The following TCF4 variants were observed in gnomAD, a reference collection of about 807,000 sequenced individuals.
The protein encoded by TCF4 is SL3-3 enhancer factor 2.
TCF4 carries 3 observed loss-of-function variants against 82.1 expected under a neutral mutation model. The ratio of observed to expected loss-of-function variants is 0.04; its 90% CI spans 0.02 to 0.09. TCF4 has a LOEUF of 0.09. Ranked by LOEUF, TCF4 falls within the 10% of genes least tolerant of loss-of-function variation. The probability of loss-of-function intolerance (pLI) is 1.00; values close to 1 mark genes in which losing one functional copy is unlikely to be tolerated. For synonymous variants in TCF4, 276 were observed against 309.6 expected, an observed-to-expected ratio of 0.89 and a Z score of 1.14; for missense variants, 518 against 852.7, an observed-to-expected ratio of 0.61 and a Z score of 4.89.
intron 8 of TCF4, among the ~76,000 whole-genome samples, chr18:55,318,677 G>T (rs1196215600): frequency 6.6e-6 from 1 of 151,990 alleles, no homozygotes; most frequent in Non-Finnish European, 1.5e-5. Context: ...AGGTACAGTT[G>T]TTCACAGAAA....
At chr18:55,353,892 C>G (rs147344575) in intron 6 of TCF4, among the ~76,000 whole-genome samples, 102 of 152,276 alleles carry the variant, frequency 6.7e-4, no homozygotes, top group African/African-American at 2.3e-3. Flanking sequence ...AAAACTACAT[C>G]TACTTTCAAA....
Position 55,301,094 on chromosome 18 carries a change from T to C in TCF4, c.550-21438A>G, listed in dbSNP as rs145725748. Among the ~76,000 whole-genome samples the C allele has an allele frequency of 3.2e-3, 490 of 152,190 alleles. 1 individual carries two copies. Among genetic ancestry groups the C allele is most frequent in the Non-Finnish European group, 5.7e-3 (385 of 68,004 alleles). On this transcript the variant is annotated intron_variant, in intron 8 of 19. Coordinates refer to ENST00000354452, the MANE Select transcript of TCF4 (RefSeq NM_001083962.2). ...TCTTCCTCCCCTCCCACCAGTGAGA[T>C]AGTGGGAAAGTGGAAACCACTCCCC...
chr18:55,301,478 C>G (rs2068249555), intron 8 of TCF4, among the ~76,000 whole-genome samples: 1 of 152,162 alleles, frequency 6.6e-6, no homozygotes, highest in Non-Finnish European at 1.5e-5. Flanking sequence ...CAGCTCTGGA[C>G]CCAATCGTTC....
chr18:55,318,411 A>G (rs1204062577), intron 8 of TCF4, among the ~76,000 whole-genome samples: 1 of 152,134 alleles, frequency 6.6e-6, no homozygotes, highest in African/African-American at 2.4e-5. Flanking sequence ...TCTGCAAAAA[A>G]AAATCTGTTT....
At chr18:55,580,711 C>T (rs928809317) in intron 3 of TCF4, among the ~76,000 whole-genome samples, 9 of 149,806 alleles carry the variant, frequency 6.0e-5, no homozygotes, top group African/African-American at 2.2e-4. Flanking sequence ...ACACTGTTTG[C>T]CTATATAATC....
chr18:55,353,225 A>G (rs936243984), intron 6 of TCF4, among the ~76,000 whole-genome samples: 1 of 152,206 alleles, frequency 6.6e-6, no homozygotes, highest in Non-Finnish European at 1.5e-5. Flanking sequence ...TTCACAATAG[A>G]GCTGTGAAAA....
intron 3 of TCF4, among the ~76,000 whole-genome samples, chr18:55,479,912 A>T (rs1195568802): frequency 6.6e-6 from 1 of 152,228 alleles, no homozygotes; most frequent in Non-Finnish European, 1.5e-5. Flanking sequence ...AGCTGGCACC[A>T]GTCAGAATTC....
At chr18:55,378,209 G>A (rs1038380457) in intron 6 of TCF4, among the ~76,000 whole-genome samples, 21 of 152,230 alleles carry the variant, frequency 1.4e-4, no homozygotes, top group East Asian at 9.7e-4. Flanking sequence ...GAGAAACAAC[G>A]ACCTCTTCAA....
intron 10 of TCF4, among the ~76,000 whole-genome samples, chr18:55,272,518 G>A (rs2060599032): frequency 6.6e-6 from 1 of 152,046 alleles, no homozygotes; most frequent in Non-Finnish European, 1.5e-5. Context: ...CAAGAGTCCT[G>A]TATTTCGTGT....
chr18:55,521,912 T>C (rs2096936427), intron 3 of TCF4, among the ~76,000 whole-genome samples: 1 of 152,182 alleles, frequency 6.6e-6, no homozygotes, highest in East Asian at 1.9e-4. Flanking sequence ...TTTACAGTCC[T>C]CTGGCTTTAG....
chr18:55,449,224 T>G (rs916612274), intron 5 of TCF4, among the ~76,000 whole-genome samples: 1 of 152,184 alleles, frequency 6.6e-6, no homozygotes, highest in East Asian at 1.9e-4. Context: ...TTCCTGGTTT[T>G]TCTCTAGCTA....
intron 3 of TCF4, among the ~76,000 whole-genome samples, chr18:55,509,529 A>T (rs1415830210): frequency 6.6e-6 from 1 of 152,222 alleles, no homozygotes; most frequent in Non-Finnish European, 1.5e-5. Context: ...GCGTTTAAAA[A>T]AGAATGGACT....
chr18:55,254,369 G>A (rs2056191465), intron 15 of TCF4, 128 bp downstream of exon 15: 3 of 846,668 alleles, frequency 3.5e-6, no homozygotes, highest in African/African-American at 3.4e-5. Flanking sequence ...CCTGAAATGG[G>A]CTCATCGTAT....
At chr18:55,297,170 T>TTTTTTTTTTTTTTTTA (rs1555836667) in intron 8 of TCF4, among the ~76,000 whole-genome samples, 1 of 97,982 alleles carries the variant, frequency 1.0e-5, no homozygotes, top group Non-Finnish European at 2.0e-5. Context: ...TTTTTTTTTT[T>TTTTTTTTTTTTTTTTA]ATCCCTTAGG....
intron 3 of TCF4, among the ~76,000 whole-genome samples, chr18:55,576,958 T>G (rs2147686545): frequency 6.6e-6 from 1 of 151,586 alleles, no homozygotes; most frequent in Middle Eastern, 3.4e-3. Flanking sequence ...GCCAAAATAT[T>G]GGACACCCCT....
intron 5 of TCF4, among the ~76,000 whole-genome samples, chr18:55,428,985 T>C (rs554245490): frequency 6.6e-6 from 1 of 151,668 alleles, no homozygotes; most frequent in African/African-American, 2.4e-5. Context: ...TTACAGAAAA[T>C]AAATATAAGT....
intron 8 of TCF4, among the ~76,000 whole-genome samples, chr18:55,317,249 T>C (rs2074369510): frequency 6.6e-6 from 1 of 152,088 alleles, no homozygotes; most frequent in African/African-American, 2.4e-5. Flanking sequence ...TTCTCTTTGA[T>C]ATGTTTTATT....
chr18:55,299,778 A>G (rs887546787), intron 8 of TCF4, among the ~76,000 whole-genome samples: 1 of 152,070 alleles, frequency 6.6e-6, no homozygotes, highest in Non-Finnish European at 1.5e-5. Context: ...CCATTCCCCA[A>G]TAGTAGACCC....
chr18:55,409,188 C>A (rs2094232112), intron 5 of TCF4, among the ~76,000 whole-genome samples: 1 of 152,114 alleles, frequency 6.6e-6, no homozygotes, highest in Non-Finnish European at 1.5e-5. Flanking sequence ...ACAGGACAAC[C>A]CAGCATCACT....
Sources: allele counts gnomAD v4.1 joint callset (sites outside exome capture counted in the v4.1 genomes callset), GRCh38; gene constraint gnomAD v4.1.1; transcripts MANE v1.5; gene names NCBI Gene and HGNC (gene_info 2026-07-23, HGNC 2026-07-21).